The following ZER1 variants were observed in gnomAD, a reference collection of about 807,000 sequenced individuals.
ZER1 encodes the protein protein zer-1 homolog.
ZER1 carries 11 observed loss-of-function variants against 78.8 expected under a neutral mutation model. That is an observed-to-expected ratio of 0.14 (90% CI 0.09 to 0.23). The LOEUF is 0.23. ZER1 is among the 10% of genes least tolerant of loss of function. ZER1 has a pLI of 1.00. For missense variants in ZER1, 588 were observed against 996.9 expected, an observed-to-expected ratio of 0.59 and a Z score of 5.52; for synonymous variants, 400 against 407.0, an observed-to-expected ratio of 0.98 and a Z score of 0.21.
rs8507 is a variant in ZER1 at position 128,753,268 on chromosome 9, G to T, written c.642C>A (p.Ala214=). The change falls in exon 4 of 16, where the codon GCC becomes GCA. Residue 214 remains alanine, a synonymous_variant. Coordinates refer to ENST00000291900, the MANE Select transcript of ZER1 (RefSeq NM_006336.4). The surrounding 1 kb of genome is among the most constrained non-coding windows in gnomAD (Gnocchi z 7.5). The part of the protein sequence containing the change: ...LDLSGIQTSD[A]AFLTQWKDSL... ...TGTCTTTCCACTGGGTGAGGAAGGC[G>T]GCGTCGCTCGTCTGAATGCCTGAGA... is the stretch of plus-strand genomic sequence containing the variant. 851,967 of 1,601,172 alleles carry T rather than the reference G, an allele frequency of 0.53. 234,805 individuals carry two copies. The highest frequency in any genetic ancestry group is 0.57 in the Non-Finnish European group (664,581 of 1,173,624).
Position 128,740,155 on chromosome 9 carries a change from C to A in ZER1, c.1854-36G>T. 2 of 1,549,700 alleles carry A rather than the reference C, an allele frequency of 1.3e-6. No individual in the cohort carries two copies. Among genetic ancestry groups the A allele is most frequent in the East Asian group, 2.4e-5 (1 of 42,058 alleles). ...AAAGACAGAAAAATGGAGTCCCACTCCCCCAGTTTCTCTTCAGATACCAGC... is the reference window on the plus strand; with the variant it reads ...AAAGACAGAAAAATGGAGTCCCACTACCCCAGTTTCTCTTCAGATACCAGC... On this transcript the variant is annotated intron_variant, in intron 12 of 15. Transcript: ENST00000291900. The surrounding 1 kb of genome is among the most constrained non-coding windows in gnomAD (Gnocchi z 4.4).
Position 128,751,439 on chromosome 9 carries a change from G to A in ZER1, c.1012C>T (p.Arg338Cys), listed in dbSNP as rs771056639. ...TTGTAGGCTGGAATGTGCGTGAGGC[G>A]GCACAGAGAGTTCTCAAAGAGCCCG... The part of the protein sequence containing the change: ...FLGLFENSLC[R>C]LTHIPAYKVS... The change falls in exon 6 of 16, where the codon CGC becomes TGC. Residue 338 changes from arginine (R) to cysteine (C), a missense_variant. This residue lies in a region of ZER1 where 406 missense variants were observed against 660.1 expected (regional missense o/e 0.62). Transcript: ENST00000291900. The surrounding 1 kb of genome is among the most constrained non-coding windows in gnomAD (Gnocchi z 5.4). 10 of 1,614,098 alleles carry A rather than the reference G, an allele frequency of 6.2e-6. No individual in the cohort carries two copies. The highest frequency in any genetic ancestry group is 1.3e-5 in the African/African-American group (1 of 75,044).
intron 13 of ZER1, 81 bp from the exon 14 acceptor site, chr9:128,735,512 G>C: frequency 7.2e-7 from 1 of 1,379,556 alleles, no homozygotes; most frequent in South Asian, 1.3e-5. Context: ...TCCTCCCACT[G>C]GAGAATCCTA....
At chr9:128,749,070 G>A (rs1281482307) in intron 8 of ZER1, among the ~76,000 whole-genome samples, 3 of 148,592 alleles carry the variant, frequency 2.0e-5, no homozygotes, top group Non-Finnish European at 4.5e-5. Context: ...GCTCACGCCT[G>A]TAATCCCAGC....
intron 1 of ZER1, among the ~76,000 whole-genome samples, chr9:128,765,478 C>G (rs907208383): frequency 1.3e-5 from 2 of 152,330 alleles, no homozygotes; most frequent in East Asian, 3.9e-4. Context: ...AAACCTAAAG[C>G]AGACCCCCGC....
rs1863252896 is a variant in ZER1, at chr9:128,740,483, G to T, written c.1853+289C>A. ...TAGTCTCAGCTACTCGGGAGGCTGA[G>T]GCAGGAGAATGGCGTGAACCCGGGA... On this transcript the variant is annotated intron_variant, in intron 12 of 15. Coordinates refer to ENST00000291900, the MANE Select transcript of ZER1 (RefSeq NM_006336.4). The surrounding 1 kb of genome is among the most constrained non-coding windows in gnomAD (Gnocchi z 4.4). Among the ~76,000 whole-genome samples, 1 of 152,028 alleles carries T rather than the reference G, an allele frequency of 6.6e-6. No individual in the cohort carries two copies. Among genetic ancestry groups the T allele is most frequent in the African/African-American group, 2.4e-5 (1 of 41,374 alleles).
Position 128,753,698 on chromosome 9 carries a change from T to C in ZER1, c.310-98A>G. On this transcript the variant is annotated intron_variant, in intron 3 of 15. Coordinates refer to ENST00000291900, the MANE Select transcript of ZER1 (RefSeq NM_006336.4). The surrounding 1 kb of genome is among the most constrained non-coding windows in gnomAD (Gnocchi z 7.5). ...TACAGGTGGGTTGGAAAGGGGGATG[T>C]GCACAGTCACGGTGCACACTGGCTG... is the stretch of plus-strand genomic sequence containing the variant. The C allele has an allele frequency of 6.4e-7, 1 of 1,561,820 alleles. No individual in the cohort carries two copies. Among genetic ancestry groups the C allele is most frequent in the African/African-American group, 1.3e-5 (1 of 74,202 alleles).
In ZER1 at chr9:128,755,643, A is replaced by C; in HGVS notation, c.-78T>G. The C allele has an allele frequency of 6.4e-7, 1 of 1,554,482 alleles. No homozygotes were observed. Among genetic ancestry groups the C allele is most frequent in the Non-Finnish European group, 8.8e-7 (1 of 1,140,490 alleles). On this transcript the variant is annotated 5_prime_UTR_variant, in exon 2 of 16. It removes an upstream start codon present in the reference 5' UTR. Transcript: ENST00000291900. The surrounding 1 kb of genome is among the most constrained non-coding windows in gnomAD (Gnocchi z 5.6). Reference sequence around the variant, plus strand: ...GTGATTCCTGAATACTCACAGGATCATTGGCAGAGCCACTGCCTGGGGAGT... The same window carrying C: ...GTGATTCCTGAATACTCACAGGATCCTTGGCAGAGCCACTGCCTGGGGAGT...
intron 9 of ZER1, among the ~76,000 whole-genome samples, chr9:128,742,210 C>T (rs908747556): frequency 1.3e-5 from 2 of 152,204 alleles, no homozygotes; most frequent in African/African-American, 4.8e-5. Flanking sequence ...CCTCCAGGGC[C>T]CATGCCAAGA....
chr9:128,734,163 A>ATATATATATAT (rs1491400132), intron 14 of ZER1, among the ~76,000 whole-genome samples: 1 of 67,236 alleles, frequency 1.5e-5, no homozygotes, highest in Non-Finnish European at 3.2e-5. Context: ...ATATATATAT[A>ATATATATATAT]AAATCTTAAA....
chr9:128,765,759 GGT>G (rs1864187896), intron 1 of ZER1, among the ~76,000 whole-genome samples: 1 of 152,200 alleles, frequency 6.6e-6, no homozygotes, highest in Non-Finnish European at 1.5e-5. Flanking sequence ...AGAGACTGGG[GGT>G]GTGAGGGGAG....
At chr9:128,738,848 AT>A (rs71381801) in intron 13 of ZER1, among the ~76,000 whole-genome samples, 51,778 of 58,528 alleles carry the variant, frequency 0.88, 23,130 homozygotes, top group South Asian at 0.95. Context: ...CACCCAGCTC[AT>A]TTTTTTTTTT....
chr9:128,748,688 C>T (rs1212155478), intron 8 of ZER1, among the ~76,000 whole-genome samples: 1 of 151,848 alleles, frequency 6.6e-6, no homozygotes, highest in Non-Finnish European at 1.5e-5. Context: ...TCTCCTGCCT[C>T]AGCCTCCCAG....
chr9:128,761,183 G>A, intron 1 of ZER1, among the ~76,000 whole-genome samples: 1 of 151,548 alleles, frequency 6.6e-6, no homozygotes, highest in Non-Finnish European at 1.5e-5. Context: ...GGGAGGGGGG[G>A]ATAATAATCT....
At chr9:128,734,144 A>AAAAAAAAAAATATAT in intron 14 of ZER1, among the ~76,000 whole-genome samples, 1 of 14,456 alleles carries the variant, frequency 6.9e-5, no homozygotes, top group African/African-American at 1.9e-4. Context: ...AAAAAAAAAA[A>AAAAAAAAAAATATAT]ATATATATAT....
intron 1 of ZER1, among the ~76,000 whole-genome samples, chr9:128,757,322 C>T (rs1468711856): frequency 2.0e-5 from 3 of 152,016 alleles, no homozygotes; most frequent in African/African-American, 4.8e-5. Context: ...AGTTCAAGAC[C>T]AGCCTGGGCA....
chr9:128,742,650 G>C lies in ZER1; in HGVS notation c.1455C>G (p.Ile485Met). Reference protein sequence around the residue: ...YRRVNELLLSILNPTRQDESI... With the variant: ...YRRVNELLLSMLNPTRQDESI... ...ACTCGTCCTGCCGCGTGGGGTTGAG[G>C]ATGCTGAGCAGGAGCTCGTTGACCC... Residue 485 changes from isoleucine (I) to methionine (M), a missense_variant, in exon 9 of 16, where the codon ATC becomes ATG. Coordinates refer to ENST00000291900, the MANE Select transcript of ZER1 (RefSeq NM_006336.4). 1 of 1,614,250 alleles carries C rather than the reference G, an allele frequency of 6.2e-7. No individual in the cohort carries two copies. Among genetic ancestry groups the C allele is most frequent in the Non-Finnish European group, 8.5e-7 (1 of 1,180,048 alleles).
At position 128,740,989 on chromosome 9, in the gene ZER1, T is replaced by C. The variant is rs1275263718; in HGVS notation, c.1738-102A>G. 5.7e-6 allele frequency: 4 copies of C among 699,096 alleles called. No individual in the cohort carries two copies. The highest frequency in any genetic ancestry group is 1.6e-5 in the South Asian group (1 of 64,228). The allele number at this position is 699,096 out of a possible 1,614,324, so 43.3% of individuals were successfully genotyped here. ...TTCATGGGCATCTGGCCATGCCAACTAGACAAAGAGGGGGCATATATGCTG... is the reference window on the plus strand; with the variant it reads ...TTCATGGGCATCTGGCCATGCCAACCAGACAAAGAGGGGGCATATATGCTG... On this transcript the variant is annotated intron_variant, in intron 11 of 15. Coordinates refer to ENST00000291900, the MANE Select transcript of ZER1 (RefSeq NM_006336.4). The surrounding 1 kb of genome is among the most constrained non-coding windows in gnomAD (Gnocchi z 4.4).
Position 128,745,364 on chromosome 9 carries a change from A to T in ZER1, c.1360-2619T>A, listed in dbSNP as rs576901022. 1.7e-3 allele frequency among the ~76,000 whole-genome samples: 252 copies of T among 149,404 alleles called. 3 individuals are homozygous for T. The highest frequency in any genetic ancestry group is 4.2e-3 in the South Asian group (20 of 4,714). On this transcript the variant is annotated intron_variant, in intron 8 of 15. Transcript: ENST00000291900. ...ACCACATCTGGCCAATTAAAAAAAA[A>T]TTTTTTTTTTGAGATGGAGTCTCAT... is the stretch of plus-strand genomic sequence containing the variant.
Sources: gnomAD v4.1 joint callset for allele counts (sites outside exome capture counted in the v4.1 genomes callset) on GRCh38, gnomAD v4.1.1 for gene constraint, gnomAD v4.1.1 regional missense constraint, Gnocchi (gnomAD v3.1) non-coding constraint, MANE v1.5 for transcripts, NCBI Gene and HGNC (gene_info 2026-07-23, HGNC 2026-07-21) for gene names.